Variants in CD48 observed in about 807,000 individuals in gnomAD.
The protein encoded by CD48 is CD48 antigen.
A neutral mutation model predicts 22.0 loss-of-function variants in CD48; 20 were observed. That is an observed-to-expected ratio of 0.91 (90% CI 0.64 to 1.32). The LOEUF is 1.32. Ranked by LOEUF, CD48 falls within the 40% of genes most tolerant of loss-of-function variation. CD48 has a pLI of 0.00. For synonymous variants in CD48, 110 were observed against 110.1 expected (o/e 1.00, Z 0.01); for missense variants, 307 against 286.5 (o/e 1.07, Z -0.52).
intron 1 of CD48, among the ~76,000 whole-genome samples, chr1:160,688,341 G>A (rs1244836570): frequency 1.3e-5 from 2 of 152,162 alleles, no homozygotes; most frequent in African/African-American, 2.4e-5. Context: ...GTATTGGGGG[G>A]AGGATTCGCA....
intron 1 of CD48, chr1:160,699,715 A>C (rs1662562808): frequency 6.6e-6 from 1 of 152,044 alleles, no homozygotes; most frequent in African/African-American, 2.4e-5. Context: ...AAAGCACAGC[A>C]CTTGATCCTT....
At chr1:160,681,571 C>T in intron 2 of CD48, 103 bp from the exon 3 acceptor site, 3 of 1,413,118 alleles carry the variant, frequency 2.1e-6, no homozygotes, top group South Asian at 1.3e-5. Context: ...GCCTGAATGC[C>T]CCAGGAGGCA....
Position 160,681,345 on chromosome 1 carries a change from C to T in CD48, c.509G>A (p.Arg170Lys), listed in dbSNP as rs1475146099. The T allele has an allele frequency of 1.2e-6, 2 of 1,614,054 alleles. No homozygotes were observed. The highest frequency in any genetic ancestry group is 1.7e-6 in the Non-Finnish European group (2 of 1,180,040). Residue 170 changes from arginine (R) to lysine (K), a missense_variant, in exon 3 of 4, where the codon AGG becomes AAG. Arg to Lys is a conservative substitution (Grantham distance 26). Coordinates refer to ENST00000368046, the MANE Select transcript of CD48 (RefSeq NM_001778.4). ...GTTCTGGAGCTCCTTTGGGAAGGGC[C>T]TTTTGTCCCCATACCAGGTGTAGTT... Reference protein sequence around the residue: ...SVNYTWYGDKRPFPKELQNSV... With the variant: ...SVNYTWYGDKKPFPKELQNSV...
At chr1:160,694,336 T>A (rs1281627508) in intron 1 of CD48, among the ~76,000 whole-genome samples, 1 of 152,180 alleles carries the variant, frequency 6.6e-6, no homozygotes, top group Admixed American at 6.5e-5. Flanking sequence ...AGGCCGTTAT[T>A]CAAGGAAAAC....
chr1:160,704,563 A>G (rs2102437329), intron 1 of CD48, among the ~76,000 whole-genome samples: 1 of 152,362 alleles, frequency 6.6e-6, no homozygotes, highest in East Asian at 1.9e-4. Context: ...CAGAGGAGAA[A>G]GCAGGTTGGA....
intron 1 of CD48, among the ~76,000 whole-genome samples, chr1:160,688,485 G>A (rs1662079756): frequency 6.6e-6 from 1 of 152,132 alleles, no homozygotes; most frequent in African/African-American, 2.4e-5. Flanking sequence ...TTGATTATTT[G>A]TCCAAATTTT....
At chr1:160,686,509 T>G (rs1433317090) in intron 1 of CD48, 1 of 152,226 alleles carries the variant, frequency 6.6e-6, no homozygotes, top group African/African-American at 2.4e-5. Flanking sequence ...GAACTATCTG[T>G]CAGGCACTAT....
intron 1 of CD48, among the ~76,000 whole-genome samples, chr1:160,711,257 C>T (rs1412520666): frequency 6.6e-6 from 1 of 152,172 alleles, no homozygotes; most frequent in Admixed American, 6.5e-5. Context: ...TATCATTTAC[C>T]TTGGCTCAGG....
Position 160,681,063 on chromosome 1 carries a change from C to T in CD48, c.652+139G>A, listed in dbSNP as rs114879544. 3,248 of 1,518,120 alleles carry T rather than the reference C, an allele frequency of 2.1e-3. 6 individuals are homozygous for T. Among genetic ancestry groups the T allele is most frequent in the Non-Finnish European group, 2.7e-3 (3,029 of 1,129,402 alleles). The allele number at this position is 1,518,120 out of a possible 1,614,324, so 94.0% of individuals were successfully genotyped here. ...GTGGTAGAGCTGGTGGCAGAACCCA[C>T]GTCTCCCAGCTCTCCCAGACACCTT... On this transcript the variant is annotated intron_variant, in intron 3 of 3. Coordinates refer to ENST00000368046, the MANE Select transcript of CD48 (RefSeq NM_001778.4).
intron 1 of CD48, among the ~76,000 whole-genome samples, chr1:160,702,451 C>A (rs1384001198): frequency 6.6e-6 from 1 of 152,022 alleles, no homozygotes; most frequent in Non-Finnish European, 1.5e-5. Flanking sequence ...TATTTGATGT[C>A]GGGTCCATCC....
At chr1:160,697,484 T>G (rs1472118296) in intron 1 of CD48, among the ~76,000 whole-genome samples, 1 of 152,298 alleles carries the variant, frequency 6.6e-6, no homozygotes, top group Non-Finnish European at 1.5e-5. Context: ...TCCTCCTATT[T>G]GCCTAGGGAG....
chr1:160,703,538 A>ATTT (rs1021363888), intron 1 of CD48, among the ~76,000 whole-genome samples: 2 of 152,152 alleles, frequency 1.3e-5, no homozygotes, highest in African/African-American at 4.8e-5. Flanking sequence ...AAGAATTAGC[A>ATTT]TATCTATGGT....
chr1:160,710,664 C>T (rs750939530), intron 1 of CD48, among the ~76,000 whole-genome samples: 40 of 152,128 alleles, frequency 2.6e-4, no homozygotes, highest in Non-Finnish European at 4.4e-4. Context: ...AAGGTCATAC[C>T]AATGTCCTAT....
intron 3 of CD48, chr1:160,680,612 G>C: frequency 1.0e-6 from 1 of 1,004,068 alleles, no homozygotes; most frequent in Non-Finnish European, 1.2e-6. Flanking sequence ...ACTCATGAGT[G>C]GATCCTCCCA....
chr1:160,693,828 A>T (rs567067546), intron 1 of CD48, among the ~76,000 whole-genome samples: 25 of 152,408 alleles, frequency 1.6e-4, no homozygotes, highest in Admixed American at 3.9e-4. Context: ...GGCATTCCCA[A>T]TTCAGCCCTT....
intron 3 of CD48, chr1:160,680,721 C>T (rs2102401557): frequency 9.8e-7 from 1 of 1,021,706 alleles, no homozygotes; most frequent in Non-Finnish European, 1.2e-6. Context: ...TCCTCGACGG[C>T]CTCTCTCAGG....
At chr1:160,680,715 C>A in intron 3 of CD48, 1 of 1,020,868 alleles carries the variant, frequency 9.8e-7, no homozygotes. Flanking sequence ...CACGCCTCCT[C>A]GACGGCCTCT....
intron 1 of CD48, among the ~76,000 whole-genome samples, chr1:160,700,145 C>T (rs2102429982): frequency 6.6e-6 from 1 of 152,264 alleles, no homozygotes; most frequent in South Asian, 2.1e-4. Flanking sequence ...CCAGCATTGC[C>T]ATTACTGGAG....
intron 1 of CD48, among the ~76,000 whole-genome samples, chr1:160,696,888 TAA>T (rs1168280121): frequency 1.6e-5 from 2 of 121,894 alleles, no homozygotes; most frequent in African/African-American, 6.2e-5. Flanking sequence ...CAAAAATTCT[TAA>T]GTCAGTGGAA....
Sources: allele counts gnomAD v4.1 joint callset (sites outside exome capture counted in the v4.1 genomes callset), GRCh38; gene constraint gnomAD v4.1.1; transcripts MANE v1.5; gene names NCBI Gene and HGNC (gene_info 2026-07-23, HGNC 2026-07-21).